THSD7B: variants seen among roughly 807,000 people sequenced by gnomAD.
THSD7B encodes thrombospondin type 1 domain containing 7B.
THSD7B carries 138 observed loss-of-function variants against 213.6 expected under a neutral mutation model. The ratio of observed to expected loss-of-function variants is 0.65; its 90% CI spans 0.56 to 0.74. The LOEUF (loss-of-function observed/expected upper bound fraction) is 0.74, where lower values mean the gene tolerates loss of function less well. THSD7B is among the 30% of genes least tolerant of loss of function. The pLI, the probability that THSD7B is intolerant of heterozygous loss-of-function variation, is 0.00. For missense variants in THSD7B, 1,931 were observed against 1,991.5 expected (o/e 0.97, Z 0.58); for synonymous variants, 742 against 687.0 (o/e 1.08, Z -1.25).
At chr2:137,376,747 A>C (rs1685666384) in intron 12 of THSD7B, among the ~76,000 whole-genome samples, 1 of 152,208 alleles carries the variant, frequency 6.6e-6, no homozygotes, top group Non-Finnish European at 1.5e-5. Flanking sequence ...TTTTTTCCCA[A>C]ATACATAAAA....
chr2:136,789,915 T>C (rs568632762), intron 1 of THSD7B, among the ~76,000 whole-genome samples: 1 of 152,318 alleles, frequency 6.6e-6, no homozygotes, highest in African/African-American at 2.4e-5. Flanking sequence ...AGCAAAGGAC[T>C]CTTCAATTTT....
At chr2:136,887,639 TTG>T (rs1683742401) in intron 2 of THSD7B, among the ~76,000 whole-genome samples, 1 of 152,104 alleles carries the variant, frequency 6.6e-6, no homozygotes, top group Admixed American at 6.6e-5. Flanking sequence ...TCCTCTCTGA[TTG>T]TAAGCTTCCT....
intron 7 of THSD7B, among the ~76,000 whole-genome samples, chr2:137,226,082 C>T (rs1230036282): frequency 6.6e-6 from 1 of 151,816 alleles, no homozygotes; most frequent in Admixed American, 6.6e-5. Flanking sequence ...ATATCTTACT[C>T]AGCTGTGGGC....
At chr2:137,188,576 C>T (rs1226887449) in intron 7 of THSD7B, among the ~76,000 whole-genome samples, 9 of 152,324 alleles carry the variant, frequency 5.9e-5, no homozygotes, top group Admixed American at 5.2e-4. Flanking sequence ...GGCAGAATAC[C>T]TCTGAAGACC....
intron 21 of THSD7B, among the ~76,000 whole-genome samples, chr2:137,649,012 A>T (rs1377440110): frequency 6.6e-6 from 1 of 152,092 alleles, no homozygotes; most frequent in South Asian, 2.1e-4. Flanking sequence ...CATTTTTCTG[A>T]TAAGTACTAA....
At chr2:137,038,933 G>GT (rs1686827366) in intron 2 of THSD7B, among the ~76,000 whole-genome samples, 1 of 150,112 alleles carries the variant, frequency 6.7e-6, no homozygotes, top group African/African-American at 2.5e-5. Context: ...AAAGTCTAGA[G>GT]GTTTTTTTTC....
At chr2:137,204,181 T>C (rs1177209784) in intron 7 of THSD7B, among the ~76,000 whole-genome samples, 1 of 152,036 alleles carries the variant, frequency 6.6e-6, no homozygotes, top group African/African-American at 2.4e-5. Flanking sequence ...GGAAAAAAAT[T>C]CCCAATATGT....
chr2:137,234,200 C>T (rs1341305806), intron 9 of THSD7B, among the ~76,000 whole-genome samples: 6 of 152,192 alleles, frequency 3.9e-5, no homozygotes, highest in Admixed American at 2.6e-4. Flanking sequence ...AGCACTGAAC[C>T]GTGGTCCTGT....
chr2:137,160,389 C>G (rs778051296), intron 6 of THSD7B, 21 bp downstream of exon 6: 1 of 1,608,888 alleles, frequency 6.2e-7, no homozygotes, highest in South Asian at 1.1e-5. Flanking sequence ...TGTTTGCATG[C>G]GCTTCATTTG....
chr2:137,052,053 A>G (rs186632732), intron 2 of THSD7B, among the ~76,000 whole-genome samples: 5 of 152,320 alleles, frequency 3.3e-5, no homozygotes, highest in African/African-American at 1.2e-4. Flanking sequence ...TTCCTGCAAA[A>G]ACACAGGCAG....
At position 136,769,960 on chromosome 2, in the gene THSD7B, A is replaced by C. The variant is rs982000080; in HGVS notation, c.-36+4273A>C. ...AGCCTCTTGTAATTAAACATGCCAT[A>C]GCTAAAAACAGAATCCTAAGTAACT... On this transcript the variant is annotated intron_variant, in intron 1 of 27. Transcript: ENST00000409968. Among the ~76,000 whole-genome samples, 4 of 152,224 alleles carry C rather than the reference A, an allele frequency of 2.6e-5. No individual in the cohort carries two copies. In the East Asian group the frequency reaches 7.7e-4, roughly 29 times the overall value.
At chr2:137,408,157 T>C (rs898784782) in intron 13 of THSD7B, among the ~76,000 whole-genome samples, 8 of 152,210 alleles carry the variant, frequency 5.3e-5, no homozygotes, top group African/African-American at 1.4e-4. Context: ...GCTTAAATCC[T>C]TCATCAAACA....
chr2:136,818,080 A>G (rs1682505343), intron 1 of THSD7B, among the ~76,000 whole-genome samples: 1 of 147,544 alleles, frequency 6.8e-6, no homozygotes, highest in African/African-American at 2.5e-5. Flanking sequence ...TCATGCTGCT[A>G]TAAAGACACA....
intron 2 of THSD7B, among the ~76,000 whole-genome samples, chr2:136,933,178 T>C (rs915616542): frequency 4.0e-5 from 6 of 148,160 alleles, no homozygotes; most frequent in African/African-American, 1.5e-4. Context: ...CTGTTCAACA[T>C]TGACTGTTTC....
chr2:137,030,339 G>A (rs1266686003), intron 2 of THSD7B, among the ~76,000 whole-genome samples: 1 of 152,164 alleles, frequency 6.6e-6, no homozygotes, highest in Non-Finnish European at 1.5e-5. Context: ...TATGGAGTAT[G>A]AGACTAAGTT....
At chr2:137,256,256 A>C (rs757129044) in intron 10 of THSD7B, among the ~76,000 whole-genome samples, 11 of 152,210 alleles carry the variant, frequency 7.2e-5, no homozygotes, top group Admixed American at 3.3e-4. Context: ...ACTGCTAGTT[A>C]CATTAAGATG....
At chr2:137,122,989 G>A (rs1688570041) in intron 5 of THSD7B, among the ~76,000 whole-genome samples, 1 of 152,106 alleles carries the variant, frequency 6.6e-6, no homozygotes, top group African/African-American at 2.4e-5. Context: ...CCAGATCTGT[G>A]TTATTTACTC....
intron 1 of THSD7B, among the ~76,000 whole-genome samples, chr2:136,816,407 A>G (rs1415492234): frequency 6.6e-6 from 1 of 152,204 alleles, no homozygotes. Context: ...CTGCTTTAAG[A>G]GTATATTGTT....
intron 2 of THSD7B, among the ~76,000 whole-genome samples, chr2:136,933,710 T>C (rs1684671902): frequency 1.3e-5 from 2 of 152,206 alleles, no homozygotes; most frequent in African/African-American, 4.8e-5. Flanking sequence ...TGTCCCTTTC[T>C]CTCTGTTCCC....
Sources: gnomAD v4.1 joint callset for allele counts (sites outside exome capture counted in the v4.1 genomes callset) on GRCh38, gnomAD v4.1.1 for gene constraint, MANE v1.5 for transcripts, NCBI Gene and HGNC (gene_info 2026-07-23, HGNC 2026-07-21) for gene names.